The following HECW2 variants were observed in gnomAD, a reference collection of about 807,000 sequenced individuals.
HECW2 encodes HECT, C2 and WW domain containing E3 ubiquitin protein ligase 2.
In HECW2, 61 loss-of-function variants were observed where a neutral mutation model predicts 175.2. That is an observed-to-expected ratio of 0.35 (90% CI 0.28 to 0.43). HECW2 has a LOEUF of 0.43. Ranked by LOEUF, HECW2 falls within the 20% of genes least tolerant of loss-of-function variation. The pLI is 1.00. For synonymous variants in HECW2, 671 were observed against 731.0 expected (o/e 0.92, Z 1.32); for missense variants, 1,524 against 2,000.5 (o/e 0.76, Z 4.54).
intron 1 of HECW2, among the ~76,000 whole-genome samples, chr2:196,527,112 G>A (rs907472074): frequency 4.6e-5 from 7 of 152,218 alleles, no homozygotes; most frequent in African/African-American, 1.7e-4. Flanking sequence ...TCAGACTGCT[G>A]TGCTAGCAAT....
intron 2 of HECW2, among the ~76,000 whole-genome samples, chr2:196,394,662 A>G (rs1396130548): frequency 6.6e-6 from 1 of 152,222 alleles, no homozygotes; most frequent in Admixed American, 6.5e-5. Context: ...GTATGATTCT[A>G]AAGTTCAATA....
At chr2:196,201,411 A>G (rs1686852665) in intron 28 of HECW2, 23 bp from the exon 29 acceptor site, 22 of 1,536,134 alleles carry the variant, frequency 1.4e-5, no homozygotes, top group Non-Finnish European at 1.8e-5. Flanking sequence ...GAAACAGCAC[A>G]TAGTTTAGAA....
intron 13 of HECW2, among the ~76,000 whole-genome samples, chr2:196,301,844 T>C (rs1691073459): frequency 6.6e-6 from 1 of 152,142 alleles, no homozygotes; most frequent in African/African-American, 2.4e-5. Flanking sequence ...GTCTGTTCAC[T>C]CTGATGATAG....
chr2:196,402,958 T>C (rs1472120158), intron 2 of HECW2, among the ~76,000 whole-genome samples: 3 of 152,066 alleles, frequency 2.0e-5, no homozygotes, highest in South Asian at 2.1e-4. Context: ...AGGCGCGCAC[T>C]ACCATGCTTG....
At chr2:196,248,355 T>C (rs904253255) in intron 19 of HECW2, among the ~76,000 whole-genome samples, 1 of 152,168 alleles carries the variant, frequency 6.6e-6, no homozygotes, top group African/African-American at 2.4e-5. Flanking sequence ...GTTAAGTCTC[T>C]ATACTATGAG....
intron 1 of HECW2, among the ~76,000 whole-genome samples, chr2:196,498,405 G>C (rs185258251): frequency 7.2e-5 from 11 of 152,210 alleles, no homozygotes; most frequent in Admixed American, 3.9e-4. Flanking sequence ...GTATCATGGT[G>C]AACATCTTTA....
At chr2:196,362,120 A>C in intron 2 of HECW2, 1 of 985,280 alleles carries the variant, frequency 1.0e-6, no homozygotes, top group Non-Finnish European at 1.2e-6. Context: ...AGTATGAATG[A>C]CACTAAAAGC....
chr2:196,323,899 G>GTTTTTTTTTTTTTTT (rs1183919803), intron 6 of HECW2, among the ~76,000 whole-genome samples: 1 of 118,142 alleles, frequency 8.5e-6, no homozygotes, highest in African/African-American at 3.6e-5. Context: ...GCCCTTAAGA[G>GTTTTTTTTTTTTTTT]TTTTTTTTGT....
At position 196,281,495 on chromosome 2, in the gene HECW2, G is replaced by C. The variant is rs1016286618; in HGVS notation, c.3001-2833C>G. ...TCTACAAAATATTCAAAAATTATCCGGGCATGTGGTGGCAGACACCTGTAG... is the reference window on the plus strand; with the variant it reads ...TCTACAAAATATTCAAAAATTATCCCGGCATGTGGTGGCAGACACCTGTAG... On this transcript the variant is annotated intron_variant, in intron 14 of 28. Transcript: ENST00000644978. Among the ~76,000 whole-genome samples, 100 of 151,466 alleles carry C rather than the reference G, an allele frequency of 6.6e-4. 4 individuals carry two copies. Among genetic ancestry groups the C allele is most frequent in the Non-Finnish European group, 1.2e-4 (8 of 67,870 alleles).
chr2:196,523,257 C>T (rs530706215), intron 1 of HECW2, among the ~76,000 whole-genome samples: 1 of 151,928 alleles, frequency 6.6e-6, no homozygotes, highest in African/African-American at 2.4e-5. Flanking sequence ...GGAGTTCACT[C>T]ATCATTTGGC....
intron 14 of HECW2, among the ~76,000 whole-genome samples, chr2:196,280,213 A>G (rs550460995): frequency 2.6e-5 from 4 of 152,362 alleles, no homozygotes; most frequent in African/African-American, 9.6e-5. Flanking sequence ...ACCAAGTATC[A>G]AGGCACATGA....
intron 1 of HECW2, among the ~76,000 whole-genome samples, chr2:196,565,566 C>T (rs1209135547): frequency 2.0e-5 from 3 of 152,104 alleles, no homozygotes; most frequent in Non-Finnish European, 2.9e-5. Context: ...CCACATTAAC[C>T]ACCAATTTCA....
intron 2 of HECW2, among the ~76,000 whole-genome samples, chr2:196,406,688 G>A (rs1340295245): frequency 2.0e-5 from 3 of 152,140 alleles, no homozygotes; most frequent in Non-Finnish European, 4.4e-5. Context: ...GGCCCGCCAT[G>A]CTCCAGCCAC....
intron 1 of HECW2, among the ~76,000 whole-genome samples, chr2:196,444,129 T>C (rs1450386499): frequency 6.6e-6 from 1 of 152,278 alleles, no homozygotes; most frequent in East Asian, 1.9e-4. Context: ...ACGAAACTTT[T>C]ACTCCTTTGT....
intron 1 of HECW2, among the ~76,000 whole-genome samples, chr2:196,480,970 A>C (rs1686824220): frequency 6.6e-6 from 1 of 152,250 alleles, no homozygotes; most frequent in South Asian, 2.1e-4. Flanking sequence ...GAGAATAGAT[A>C]GTTTAATTGT....
chr2:196,206,735 G>A (rs764675020), intron 28 of HECW2, among the ~76,000 whole-genome samples: 8 of 152,138 alleles, frequency 5.3e-5, no homozygotes, highest in Non-Finnish European at 7.3e-5. Context: ...TGTGCTCTGG[G>A]GCAAGCAGGA....
chr2:196,272,709 T>C (rs1247086307), intron 16 of HECW2, among the ~76,000 whole-genome samples: 2 of 152,198 alleles, frequency 1.3e-5, no homozygotes, highest in East Asian at 1.9e-4. Context: ...TGGAATACCA[T>C]TGTCAACTCA....
chr2:196,575,002 G>T (rs78136544), intron 1 of HECW2, among the ~76,000 whole-genome samples: 20,164 of 146,312 alleles, frequency 0.14, 1,407 homozygotes, highest in Middle Eastern at 0.23. Context: ...TGCTGCTTGA[G>T]CCCAGGAGTT....
At chr2:196,458,569 T>C (rs1189367650) in intron 1 of HECW2, among the ~76,000 whole-genome samples, 1 of 151,988 alleles carries the variant, frequency 6.6e-6, no homozygotes, top group Non-Finnish European at 1.5e-5. Flanking sequence ...AACCAGATGA[T>C]AAAGATGACA....
Sources: allele counts gnomAD v4.1 joint callset (sites outside exome capture counted in the v4.1 genomes callset), GRCh38; gene constraint gnomAD v4.1.1; transcripts MANE v1.5; gene names NCBI Gene and HGNC (gene_info 2026-07-23, HGNC 2026-07-21).